Variants in MYO18B observed in about 807,000 individuals in gnomAD.
The protein encoded by MYO18B is unconventional myosin-XVIIIb.
Under a neutral mutation model 273.0 loss-of-function variants are expected in MYO18B, and 204 were observed. The observed-to-expected ratio is 0.75, with a 90% confidence interval of 0.67 to 0.84. MYO18B has a LOEUF of 0.84. Ranked by LOEUF, MYO18B falls within the 40% of genes least tolerant of loss-of-function variation. The pLI is 0.00. For missense variants in MYO18B, 3,212 were observed against 3,287.6 expected, an observed-to-expected ratio of 0.98 and a Z score of 0.56; for synonymous variants, 1,330 against 1,305.7, an observed-to-expected ratio of 1.02 and a Z score of -0.40.
intron 39 of MYO18B, among the ~76,000 whole-genome samples, chr22:25,962,285 C>G (rs1191614621): frequency 6.6e-6 from 1 of 152,152 alleles, no homozygotes; most frequent in African/African-American, 2.4e-5. Context: ...CCCATCAATG[C>G]ATGTGTCACC....
intron 39 of MYO18B, among the ~76,000 whole-genome samples, chr22:25,965,594 C>T (rs2092968725): frequency 6.6e-6 from 1 of 152,192 alleles, no homozygotes; most frequent in Non-Finnish European, 1.5e-5. Context: ...AGTTGGGAAG[C>T]AATGCACAGT....
intron 29 of MYO18B, chr22:25,899,218 C>T (rs1017110058): frequency 2.6e-5 from 4 of 152,248 alleles, no homozygotes; most frequent in African/African-American, 9.7e-5. Flanking sequence ...TTCGCACACT[C>T]ATAGGCTTCT....
chr22:26,035,867 GA>G (rs1348181503), downstream of MYO18B, among the ~76,000 whole-genome samples: 1 of 152,234 alleles, frequency 6.6e-6, no homozygotes, highest in African/African-American at 2.4e-5. Flanking sequence ...TCAGCTTTCT[GA>G]TACCATCCAG....
intron 20 of MYO18B, among the ~76,000 whole-genome samples, chr22:25,849,497 A>T (rs1295420660): frequency 6.6e-6 from 1 of 152,196 alleles, no homozygotes; most frequent in African/African-American, 2.4e-5. Flanking sequence ...ATATATACAC[A>T]TGCATGTGTG....
intron 21 of MYO18B, among the ~76,000 whole-genome samples, chr22:25,862,413 T>G (rs1015439319): frequency 6.6e-6 from 1 of 152,218 alleles, no homozygotes. Flanking sequence ...TGTTTTCCCA[T>G]GCTCTTTAGT....
chr22:26,023,468 TTCCTCCTCCC>T (rs1187647106), intron 42 of MYO18B, among the ~76,000 whole-genome samples: 1 of 114,472 alleles, frequency 8.7e-6, no homozygotes, highest in Non-Finnish European at 1.8e-5. Flanking sequence ...TTGGCTCATC[TTCCTCCTCCC>T]TCCTCCTCCT....
chr22:26,042,025 C>T, the MYO18B span, among the ~76,000 whole-genome samples: 1 of 152,210 alleles, frequency 6.6e-6, no homozygotes, highest in Admixed American at 6.5e-5. Context: ...ACGGCTCCAC[C>T]CTAAGGAGCC....
chr22:25,937,486 C>G (rs2092593484), intron 34 of MYO18B, among the ~76,000 whole-genome samples: 1 of 152,142 alleles, frequency 6.6e-6, no homozygotes, highest in East Asian at 1.9e-4. Flanking sequence ...TAAAAGGCAC[C>G]AAGAGTAGCC....
intron 21 of MYO18B, among the ~76,000 whole-genome samples, chr22:25,867,395 C>G (rs1018483152): frequency 6.6e-6 from 1 of 152,324 alleles, no homozygotes; most frequent in East Asian, 1.9e-4. Flanking sequence ...CCTTTTGTGA[C>G]TGACTTATTT....
At chr22:26,052,468 C>T in the MYO18B span, among the ~76,000 whole-genome samples, 3 of 152,192 alleles carry the variant, frequency 2.0e-5, no homozygotes, top group Non-Finnish European at 4.4e-5. Flanking sequence ...TATATTCTCA[C>T]TCCTTCCCTC....
intron 1 of MYO18B, among the ~76,000 whole-genome samples, chr22:25,747,959 A>AG (rs968253006): frequency 6.6e-6 from 1 of 152,218 alleles, no homozygotes; most frequent in Non-Finnish European, 1.5e-5. Context: ...TAAGACTTCC[A>AG]GGGCTGCTGT....
intron 34 of MYO18B, among the ~76,000 whole-genome samples, chr22:25,929,619 TTAGA>T (rs570512896): frequency 4.4e-4 from 67 of 152,352 alleles, no homozygotes; most frequent in African/African-American, 1.3e-3. Flanking sequence ...TTGCTTTCTG[TTAGA>T]TAGAGAAGGA....
At chr22:25,999,576 CCCT>C (rs1266233463) in intron 40 of MYO18B, among the ~76,000 whole-genome samples, 15 of 112,812 alleles carry the variant, frequency 1.3e-4, no homozygotes, top group South Asian at 3.8e-4. Context: ...CTCCTCTTCC[CCCT>C]CCTCCTCCTC....
At chr22:25,807,192 C>A (rs2088517537) in intron 12 of MYO18B, among the ~76,000 whole-genome samples, 1 of 152,310 alleles carries the variant, frequency 6.6e-6, no homozygotes, top group South Asian at 2.1e-4. Flanking sequence ...TAGAGAACAG[C>A]AAGTTCAGAA....
intron 34 of MYO18B, among the ~76,000 whole-genome samples, chr22:25,941,504 T>A (rs778985698): frequency 6.6e-6 from 1 of 152,236 alleles, no homozygotes; most frequent in Non-Finnish European, 1.5e-5. Flanking sequence ...GTTGCGCCAC[T>A]GAAGGATCTG....
At chr22:25,890,990 C>T in intron 26 of MYO18B, 115 bp downstream of exon 26, 2 of 1,420,462 alleles carry the variant, frequency 1.4e-6, no homozygotes, top group Non-Finnish European at 1.9e-6. Flanking sequence ...CACAGGTTGA[C>T]TGACTGCTGG....
chr22:25,920,429 C>CA (rs2092323911), intron 33 of MYO18B, among the ~76,000 whole-genome samples: 1 of 152,168 alleles, frequency 6.6e-6, no homozygotes, highest in Admixed American at 6.5e-5. Context: ...TTTGGCTTAA[C>CA]CTGTACTTTT....
chr22:25,891,479 C>T (rs1175984359), intron 27 of MYO18B, 67 bp downstream of exon 27: 5 of 1,099,452 alleles, frequency 4.5e-6, no homozygotes, highest in Non-Finnish European at 6.8e-6. Context: ...TTTATTCAGT[C>T]ACTCATAGAG....
chr22:25,785,824 A>G (rs2087361041), intron 11 of MYO18B, among the ~76,000 whole-genome samples: 1 of 152,170 alleles, frequency 6.6e-6, no homozygotes, highest in Admixed American at 6.5e-5. Flanking sequence ...CTTCTTCAGT[A>G]CAGTAATGAT....
Sources: gnomAD v4.1 joint callset for allele counts (sites outside exome capture counted in the v4.1 genomes callset) on GRCh38, gnomAD v4.1.1 for gene constraint, MANE v1.5 for transcripts, NCBI Gene and HGNC (gene_info 2026-07-23, HGNC 2026-07-21) for gene names.